Variants in GPR158 observed in about 807,000 individuals in gnomAD.
The protein encoded by GPR158 is G protein-coupled receptor 158, also known as metabotropic glycine receptor.
A neutral mutation model predicts 78.2 loss-of-function variants in GPR158; 30 were observed. That is an observed-to-expected ratio of 0.38 (90% CI 0.29 to 0.52). GPR158 has a LOEUF of 0.52. Among genes scored for constraint, GPR158 ranks in the 20% least tolerant of loss-of-function variants. The probability of loss-of-function intolerance (pLI) is 0.83; values close to 1 mark genes in which losing one functional copy is unlikely to be tolerated. For synonymous variants in GPR158, 581 were observed against 591.1 expected (o/e 0.98, Z 0.25); for missense variants, 1,463 against 1,523.5 (o/e 0.96, Z 0.66).
At chr10:25,337,518 T>C (rs1855227274) in intron 2 of GPR158, among the ~76,000 whole-genome samples, 1 of 152,124 alleles carries the variant, frequency 6.6e-6, no homozygotes, top group African/African-American at 2.4e-5. Flanking sequence ...TTGTTTTGTA[T>C]GAATATTCCA....
chr10:25,480,040 A>G (rs942321084), intron 5 of GPR158, among the ~76,000 whole-genome samples: 4 of 151,640 alleles, frequency 2.6e-5, no homozygotes, highest in Non-Finnish European at 5.9e-5. Flanking sequence ...TCTCCTCTAC[A>G]TCCCTGCTTT....
intron 2 of GPR158, among the ~76,000 whole-genome samples, chr10:25,325,122 G>C (rs986389097): frequency 1.3e-5 from 2 of 152,092 alleles, no homozygotes; most frequent in Admixed American, 1.3e-4. Context: ...AGGATTACAG[G>C]CATGAACCAC....
intron 2 of GPR158, among the ~76,000 whole-genome samples, chr10:25,272,514 C>T (rs749287254): frequency 7.9e-5 from 12 of 152,104 alleles, no homozygotes; most frequent in Non-Finnish European, 1.5e-4. Flanking sequence ...CTCTTGTTTA[C>T]GTGCCTTTAT....
chr10:25,374,016 A>G (rs976398598), intron 2 of GPR158, among the ~76,000 whole-genome samples: 7 of 151,758 alleles, frequency 4.6e-5, no homozygotes, highest in Admixed American at 3.3e-4. Context: ...CTGCAAAAAA[A>G]TGTATTAAAT....
chr10:25,270,187 A>G (rs1051189828), intron 2 of GPR158, among the ~76,000 whole-genome samples: 5 of 152,170 alleles, frequency 3.3e-5, no homozygotes, highest in Non-Finnish European at 5.9e-5. Context: ...TCTTTTTCCC[A>G]TTATTACACA....
chr10:25,402,813 A>G (rs1296311193), intron 3 of GPR158, among the ~76,000 whole-genome samples: 4 of 151,982 alleles, frequency 2.6e-5, no homozygotes, highest in African/African-American at 9.7e-5. Flanking sequence ...AAATATTTCA[A>G]TAATTGTAGC....
intron 5 of GPR158, among the ~76,000 whole-genome samples, chr10:25,527,467 A>G (rs1836365383): frequency 6.6e-6 from 1 of 152,184 alleles, no homozygotes; most frequent in Non-Finnish European, 1.5e-5. Context: ...ATATTTGGAA[A>G]TTAAACAATT....
chr10:25,177,290 A>T (rs957316603), intron 1 of GPR158, among the ~76,000 whole-genome samples: 3 of 152,186 alleles, frequency 2.0e-5, no homozygotes, highest in African/African-American at 7.2e-5. Flanking sequence ...CTTTAAGAGT[A>T]GATGTGAGGA....
At chr10:25,581,350 A>G (rs1387941138) in intron 7 of GPR158, among the ~76,000 whole-genome samples, 1 of 152,158 alleles carries the variant, frequency 6.6e-6, no homozygotes, top group Non-Finnish European at 1.5e-5. Context: ...ATGAGCCACC[A>G]TGTGTGACCT....
chr10:25,352,788 A>C (rs545226587), intron 2 of GPR158, among the ~76,000 whole-genome samples: 1 of 152,132 alleles, frequency 6.6e-6, no homozygotes, highest in Non-Finnish European at 1.5e-5. Context: ...CATCTGACTC[A>C]TGTTTTAGAT....
intron 1 of GPR158, among the ~76,000 whole-genome samples, chr10:25,185,979 A>T (rs1345258397): frequency 3.3e-5 from 5 of 152,094 alleles, no homozygotes; most frequent in Admixed American, 6.6e-5. Flanking sequence ...GAAGTAAAGC[A>T]CTCCTCAGCA....
rs191338409 is a variant in GPR158, at chr10:25,319,369, C to T, written c.1009-76542C>T. On this transcript the variant is annotated intron_variant, in intron 2 of 10. Transcript: ENST00000376351. ...AGACTGACCGTTCTGAGAGCACAGC[C>T]ATGTCTTATTTTTTTTGTAAATTCC... is the stretch of plus-strand genomic sequence containing the variant. 1.3e-3 allele frequency among the ~76,000 whole-genome samples: 202 copies of T among 152,232 alleles called. 1 individual carries two copies. The highest frequency in any genetic ancestry group is 4.6e-3 in the African/African-American group (190 of 41,542).
At chr10:25,279,183 T>A (rs1342268454) in intron 2 of GPR158, among the ~76,000 whole-genome samples, 1 of 152,200 alleles carries the variant, frequency 6.6e-6, no homozygotes, top group Non-Finnish European at 1.5e-5. Context: ...CTGCTGATGC[T>A]GCTGCTACTA....
At chr10:25,236,658 C>A (rs11014451) in intron 2 of GPR158, among the ~76,000 whole-genome samples, 16,330 of 152,116 alleles carry the variant, frequency 0.11, 1,107 homozygotes, top group East Asian at 0.33. Flanking sequence ...CCCACTTTGG[C>A]CACCTGATCG....
At chr10:25,355,028 G>T (rs1430771364) in intron 2 of GPR158, among the ~76,000 whole-genome samples, 1 of 151,860 alleles carries the variant, frequency 6.6e-6, no homozygotes, top group African/African-American at 2.4e-5. Context: ...AGATGCCTTG[G>T]GGTAGTCTTA....
chr10:25,547,818 C>T (rs568835535), intron 5 of GPR158, among the ~76,000 whole-genome samples: 17 of 152,232 alleles, frequency 1.1e-4, no homozygotes, highest in Admixed American at 2.0e-4. Context: ...ATCAAAGTCT[C>T]GTCTTTCTAA....
rs371410700 is a variant in GPR158, at chr10:25,555,742, GA to G, written c.1514+4667del. Among the ~76,000 whole-genome samples, 927 of 145,960 alleles carry G rather than the reference GA, an allele frequency of 6.4e-3. 8 individuals are homozygous for G. The highest frequency in any genetic ancestry group is 0.021 in the African/African-American group (822 of 39,942). ...TTTTCCTTTTTCTAAGGCTAATCAAGAAAAAAAAAACAAAATACTTTTTTTT... is the reference window on the plus strand; with the variant it reads ...TTTTCCTTTTTCTAAGGCTAATCAAGAAAAAAAAACAAAATACTTTTTTTT... On this transcript the variant is annotated intron_variant, in intron 6 of 10. Coordinates refer to ENST00000376351, the MANE Select transcript of GPR158 (RefSeq NM_020752.3).
intron 4 of GPR158, among the ~76,000 whole-genome samples, chr10:25,424,860 A>T (rs1227447516): frequency 6.6e-6 from 1 of 152,118 alleles, no homozygotes; most frequent in Non-Finnish European, 1.5e-5. Flanking sequence ...TTATCTTGGC[A>T]ATGCGGGCTC....
chr10:25,351,916 A>G (rs556931275), intron 2 of GPR158, among the ~76,000 whole-genome samples: 11 of 151,756 alleles, frequency 7.2e-5, no homozygotes, highest in African/African-American at 2.7e-4. Context: ...CAACCCTCAG[A>G]CAGGCCCCAG....
Sources: gnomAD v4.1 joint callset for allele counts (sites outside exome capture counted in the v4.1 genomes callset) on GRCh38, gnomAD v4.1.1 for gene constraint, MANE v1.5 for transcripts, NCBI Gene and HGNC (gene_info 2026-07-23, HGNC 2026-07-21) for gene names.